Variants in LRCH2 observed in about 807,000 individuals in gnomAD.
LRCH2 encodes the protein leucine rich repeats and calponin homology domain containing 2, also known as leucine-rich repeat and calponin homology domain-containing protein 2.
LRCH2 carries 38 observed loss-of-function variants against 68.9 expected under a neutral mutation model. The observed-to-expected ratio is 0.55, with a 90% confidence interval of 0.43 to 0.72. LRCH2 has a LOEUF of 0.72. Among genes scored for constraint, LRCH2 ranks in the 30% least tolerant of loss-of-function variants. The pLI, the probability that LRCH2 is intolerant of heterozygous loss-of-function variation, is 0.00. For synonymous variants in LRCH2, 191 were observed against 208.1 expected, an observed-to-expected ratio of 0.92 and a Z score of 0.71; for missense variants, 528 against 572.9, an observed-to-expected ratio of 0.92 and a Z score of 0.80.
At chrX:115,186,673 T>A (rs1179263720) in intron 2 of LRCH2, among the ~76,000 whole-genome samples, 1 of 110,890 alleles carries the variant, frequency 9.0e-6, no homozygotes, top group Non-Finnish European at 1.9e-5. Context: ...AAGAACAAAA[T>A]GAAACAGAAA....
intron 14 of LRCH2, among the ~76,000 whole-genome samples, chrX:115,131,268 A>G (rs919611255): frequency 7.2e-5 from 5 of 69,882 alleles, no homozygotes; most frequent in African/African-American, 3.7e-4. Context: ...CCTCCACACC[A>G]TGACAGGCCC....
intron 1 of LRCH2, among the ~76,000 whole-genome samples, chrX:115,226,970 T>C (rs782625120): frequency 9.9e-5 from 11 of 111,460 alleles, no homozygotes; most frequent in Non-Finnish European, 1.7e-4. Flanking sequence ...TTTCCATTTA[T>C]CTTACTCTAA....
chrX:115,143,454 G>A (rs1260645212), intron 14 of LRCH2, among the ~76,000 whole-genome samples: 1 of 111,179 alleles, frequency 9.0e-6, no homozygotes, highest in Non-Finnish European at 1.9e-5. Flanking sequence ...ATGTGAACAG[G>A]CCAATAACAA....
At chrX:115,121,660 C>T (rs782332129) in intron 20 of LRCH2, among the ~76,000 whole-genome samples, 1 of 111,862 alleles carries the variant, frequency 8.9e-6, no homozygotes, top group East Asian at 2.8e-4. Flanking sequence ...CTCAAAAAAA[C>T]AAAAGCAAAA....
At chrX:115,229,350 T>C (rs1160429532) in intron 1 of LRCH2, among the ~76,000 whole-genome samples, 8 of 111,203 alleles carry the variant, frequency 7.2e-5, no homozygotes, top group Admixed American at 4.8e-4. Flanking sequence ...ACAAATCACT[T>C]AACCTGTCTC....
chrX:115,118,514 TG>T (rs1391361314), intron 20 of LRCH2, among the ~76,000 whole-genome samples: 1 of 108,910 alleles, frequency 9.2e-6, no homozygotes, highest in East Asian at 2.9e-4. Flanking sequence ...TCTGAAATTG[TG>T]GCAATAATCA....
At chrX:115,165,141 A>G (rs1219379636) in intron 10 of LRCH2, among the ~76,000 whole-genome samples, 9 of 110,190 alleles carry the variant, frequency 8.2e-5, no homozygotes, top group African/African-American at 2.3e-4. Context: ...ATATGACGGT[A>G]TAGTCCTCCT....
chrX:115,126,843 C>A lies in LRCH2; in HGVS notation c.1791G>T (p.Glu597Asp). The A allele has an allele frequency of 9.1e-7, 1 of 1,093,969 alleles. No individual in the cohort carries two copies. The highest frequency in any genetic ancestry group is 1.2e-6 in the Non-Finnish European group (1 of 837,577). 90.2% of individuals were successfully genotyped at this position (1,093,969 alleles called of 1,213,427 possible). Reference protein sequence around the residue: ...NMSTQSPVSSEEYDRTDGFSH... With the variant: ...NMSTQSPVSSDEYDRTDGFSH... ...AGACAAATAAAAACAGAACTTGTAC[C>A]TCAGATGATACTGGAGATTGTGTTG... Residue 597 changes from glutamate (E) to aspartate (D), a missense_variant and splice_region_variant, in exon 16 of 21, where the codon GAG becomes GAT. By Grantham distance (45) the Glu-to-Asp change is conservative (BLOSUM62 2). Transcript: ENST00000317135.
intron 1 of LRCH2, among the ~76,000 whole-genome samples, chrX:115,225,648 G>C (rs1173236126): frequency 9.0e-6 from 1 of 111,177 alleles, no homozygotes; most frequent in Non-Finnish European, 1.9e-5. Context: ...ACCCCTCAAA[G>C]AGCAAAAAGG....
At chrX:115,192,015 A>C (rs1282868144) in intron 1 of LRCH2, 16 of 1,166,092 alleles carry the variant, frequency 1.4e-5, no homozygotes, top group African/African-American at 1.1e-4. Flanking sequence ...ATGGAGGAGG[A>C]GGCCACTACG....
At position 115,163,704 on chromosome X, in the gene LRCH2, G is replaced by A; in HGVS notation, c.1435C>T (p.Gln479Ter). The change falls in exon 11 of 21, where the codon CAG (glutamine) becomes TAG (stop). Residue 479 changes from glutamine to a stop codon, truncating the protein, a stop_gained. Coordinates refer to ENST00000317135, the MANE Select transcript of LRCH2 (RefSeq NM_020871.4). LOFTEE classifies it high-confidence loss of function. ...TTCTTCTGTTCTTGCTGCAATAACT[G>A]AGCAGCTATTTTCCTCAAATCAGTT... is the stretch of plus-strand genomic sequence containing the variant. ...EVTDLRKIAA[Q>*]LLQQEQKNRI... 8.4e-7 allele frequency: 1 copy of A among 1,197,153 alleles called. No homozygotes were observed. Among genetic ancestry groups the A allele is most frequent in the Non-Finnish European group, 1.1e-6 (1 of 886,332 alleles).
chrX:115,194,939 T>C (rs2072876170), intron 1 of LRCH2, among the ~76,000 whole-genome samples: 1 of 111,102 alleles, frequency 9.0e-6, no homozygotes, highest in Non-Finnish European at 1.9e-5. Context: ...TAAATGGGCA[T>C]TAGACAGATG....
At chrX:115,201,121 G>C (rs969149668) in intron 1 of LRCH2, among the ~76,000 whole-genome samples, 15 of 111,268 alleles carry the variant, frequency 1.3e-4, no homozygotes, top group African/African-American at 4.9e-4. Flanking sequence ...GGCAGGCAAA[G>C]AGCCTGTGTA....
In LRCH2 at chrX:115,233,727, G is replaced by A. The variant is rs782169021; in HGVS notation, c.315C>T (p.Gly105=). The A allele has an allele frequency of 4.2e-6, 5 of 1,178,929 alleles. No individual in the cohort carries two copies. The Admixed American group carries it at 1.2e-4, about 28-fold the overall frequency. The change falls in exon 1 of 21, where the codon GGC becomes GGT. Residue 105 remains glycine, a synonymous_variant. Transcript: ENST00000317135. ...TGGTGTCCGTCAGGTCGTAGCCGCTGCCCGGGAAGTCTCGGAGTTTCCGAC... is the reference window on the plus strand; with the variant it reads ...TGGTGTCCGTCAGGTCGTAGCCGCTACCCGGGAAGTCTCGGAGTTTCCGAC... ...LSGRKLRDFP[G]SGYDLTDTTQ...
At position 115,179,560 on chromosome X, in the gene LRCH2, A is replaced by C; in HGVS notation, c.731T>G (p.Leu244Ter). 1 of 1,125,050 alleles carries C rather than the reference A, an allele frequency of 8.9e-7. No homozygotes were observed. Among genetic ancestry groups the C allele is most frequent in the Non-Finnish European group, 1.2e-6 (1 of 855,993 alleles). The allele number at this position is 1,125,050 out of a possible 1,213,427, so 92.7% of individuals were successfully genotyped here. A position where few individuals can be genotyped will look rare whatever the true frequency, so the allele number is the denominator to read the frequency against. ...CAGCTTGACTAAGGGAAGGTCTCCT[A>C]ATTCTGGTCAGAAATGAAAAATAAT... is the stretch of plus-strand genomic sequence containing the variant. ...RNNLHVLPDE[L>*]GDLPLVKLDF... Residue 244 changes from leucine to a stop codon, truncating the protein, a stop_gained, in exon 5 of 21, where the codon TTA becomes TGA. Coordinates refer to ENST00000317135, the MANE Select transcript of LRCH2 (RefSeq NM_020871.4). LOFTEE classifies it high-confidence loss of function.
chrX:115,182,506 A>T (rs1320705209), intron 3 of LRCH2, among the ~76,000 whole-genome samples: 1 of 111,918 alleles, frequency 8.9e-6, no homozygotes, highest in African/African-American at 3.3e-5. Context: ...AATAAAGGTA[A>T]TAAGGATGTT....
At position 115,191,545 on chromosome X, in the gene LRCH2, T is replaced by C. The variant is rs1230168460; in HGVS notation, c.350-3175A>G. On this transcript the variant is annotated intron_variant, in intron 1 of 20. Transcript: ENST00000317135. ...CGACAGTTCCAGCCAGAGCAACCGC[T>C]ATGGAGGAGGCGGCCGCTACGAGGA... 5.4e-6 allele frequency: 6 copies of C among 1,115,192 alleles called. No homozygotes were observed. Among genetic ancestry groups the C allele is most frequent in the Non-Finnish European group, 7.1e-6 (6 of 845,002 alleles). The allele number at this position is 1,115,192 out of a possible 1,213,427, so 91.9% of individuals were successfully genotyped here.
At chrX:115,228,937 C>A (rs968487714) in intron 1 of LRCH2, among the ~76,000 whole-genome samples, 62 of 110,813 alleles carry the variant, frequency 5.6e-4, no homozygotes, top group Middle Eastern at 4.8e-3. Context: ...TAGTGAAATT[C>A]TTTTCTAATG....
chrX:115,171,409 TATC>T (rs1246904160), intron 5 of LRCH2, among the ~76,000 whole-genome samples: 3 of 111,177 alleles, frequency 2.7e-5, no homozygotes, highest in African/African-American at 9.8e-5. Flanking sequence ...ATGTTGTAAA[TATC>T]ATTGATTTTT....
Sources: allele counts gnomAD v4.1 joint callset (sites outside exome capture counted in the v4.1 genomes callset), GRCh38; gene constraint gnomAD v4.1.1; transcripts MANE v1.5; gene names NCBI Gene and HGNC (gene_info 2026-07-23, HGNC 2026-07-21).